The following PPP2R1B variants were observed in gnomAD, a reference collection of about 807,000 sequenced individuals.
The protein encoded by PPP2R1B is protein phosphatase 2 scaffold subunit Abeta.
A neutral mutation model predicts 72.7 loss-of-function variants in PPP2R1B; 58 were observed. The ratio of observed to expected loss-of-function variants is 0.80; its 90% CI spans 0.65 to 0.99. The LOEUF is 0.99. Ranked by LOEUF, PPP2R1B falls within the 50% of genes least tolerant of loss-of-function variation. The pLI, the probability that PPP2R1B is intolerant of heterozygous loss-of-function variation, is 0.00. For missense variants in PPP2R1B, 695 were observed against 733.6 expected, an observed-to-expected ratio of 0.95 and a Z score of 0.61; for synonymous variants, 256 against 264.6, an observed-to-expected ratio of 0.97 and a Z score of 0.32.
At chr11:111,712,543 G>C in the PPP2R1B span, among the ~76,000 whole-genome samples, 1 of 152,194 alleles carries the variant, frequency 6.6e-6, no homozygotes, top group Non-Finnish European at 1.5e-5. Flanking sequence ...CTCAACTCTT[G>C]TCAGTGTTTA....
At chr11:111,763,687 G>C (rs1411267490) in intron 3 of PPP2R1B, among the ~76,000 whole-genome samples, 1 of 152,192 alleles carries the variant, frequency 6.6e-6, no homozygotes, top group East Asian at 1.9e-4. Context: ...GCTTGTGCAA[G>C]TGGGAAGATA....
the PPP2R1B span, chr11:111,701,440 T>A: frequency 1.9e-6 from 3 of 1,610,268 alleles, no homozygotes; most frequent in East Asian, 6.7e-5. This position sits in a 1 kb window ranked among gnomAD's most constrained non-coding sequence, Gnocchi z 4.2. Flanking sequence ...TCTGCATTGT[T>A]TTCTTCCCTA....
At position 111,738,454 on chromosome 11, in the gene PPP2R1B, C is replaced by T. The variant is rs1440507914; in HGVS notation, c.*3142G>A. The T allele has an allele frequency of 1.0e-6, 1 of 985,348 alleles. No homozygotes were observed. Among genetic ancestry groups the T allele is most frequent in the African/African-American group, 1.7e-5 (1 of 57,254 alleles). The allele number at this position is 985,348 out of a possible 1,614,324, so 61.0% of individuals were successfully genotyped here. ...GACAACACAACAGTTAACAAAGGAACAAAAGTGCACCAGGTTAACCGCCGG... is the reference window on the plus strand; with the variant it reads ...GACAACACAACAGTTAACAAAGGAATAAAAGTGCACCAGGTTAACCGCCGG... On this transcript the variant is annotated 3_prime_UTR_variant, in exon 15 of 15. Transcript: ENST00000527614.
the PPP2R1B span, among the ~76,000 whole-genome samples, chr11:111,699,913 G>A: frequency 7.9e-5 from 12 of 152,214 alleles, 1 homozygote; most frequent in Admixed American, 7.9e-4. Context: ...ATCTCTTAAA[G>A]CTCACTGTGC....
At chr11:111,750,386 A>G (rs950372793) in intron 10 of PPP2R1B, among the ~76,000 whole-genome samples, 10 of 152,330 alleles carry the variant, frequency 6.6e-5, no homozygotes, top group African/African-American at 2.4e-4. Context: ...ACAGTGGCTC[A>G]TGCCTATTAT....
downstream of PPP2R1B, chr11:111,722,804 C>A: frequency 1.3e-6 from 2 of 1,526,042 alleles, no homozygotes; most frequent in Non-Finnish European, 1.8e-6. The surrounding 1 kb of genome is among the most constrained non-coding windows in gnomAD (Gnocchi z 4.4). Context: ...TTCTGGAAGC[C>A]TTGAGAACAC....
the PPP2R1B span, chr11:111,703,320 T>C: frequency 4.3e-6 from 7 of 1,614,220 alleles, no homozygotes; most frequent in Non-Finnish European, 5.1e-6. Flanking sequence ...AGACCTGTTC[T>C]CTATCCACAA....
At chr11:111,715,682 A>G in the PPP2R1B span, among the ~76,000 whole-genome samples, 1,128 of 152,192 alleles carry the variant, frequency 7.4e-3, 8 homozygotes, top group Middle Eastern at 0.061. Flanking sequence ...CATGGGGGCC[A>G]TATGGGAGGG....
downstream of PPP2R1B, among the ~76,000 whole-genome samples, chr11:111,736,447 C>T (rs1243159699): frequency 1.3e-5 from 2 of 152,198 alleles, no homozygotes; most frequent in African/African-American, 4.8e-5. Flanking sequence ...CACTCCCACT[C>T]CTTCAGCCAA....
Position 111,738,178 on chromosome 11 carries a change from C to G in PPP2R1B, c.*3418G>C. The G allele has an allele frequency of 1.0e-6, 1 of 985,904 alleles. No individual in the cohort carries two copies. Among genetic ancestry groups the G allele is most frequent in the Non-Finnish European group, 1.2e-6 (1 of 830,240 alleles). 61.1% of individuals were successfully genotyped at this position (985,904 alleles called of 1,614,324 possible). A position where few individuals can be genotyped will look rare whatever the true frequency, so the allele number is the denominator to read the frequency against. ...CAGTTACATCACATCAGACTGCAGT[C>G]ACCTCAGCTGCTAAACCAGGAGAAC... On this transcript the variant is annotated 3_prime_UTR_variant, in exon 15 of 15. Transcript: ENST00000527614.
the PPP2R1B span, among the ~76,000 whole-genome samples, chr11:111,697,753 T>G: frequency 0.96 from 146,826 of 152,204 alleles, 71,055 homozygotes; most frequent in East Asian, 1. Flanking sequence ...GCACTTTGGG[T>G]GCTGAGGCAG....
At position 111,739,566 on chromosome 11, in the gene PPP2R1B, T is replaced by C. The variant is rs1187205474; in HGVS notation, c.*2030A>G. 1.0e-6 allele frequency: 1 copy of C among 985,216 alleles called. No individual in the cohort carries two copies. The highest frequency in any genetic ancestry group is 1.7e-5 in the African/African-American group (1 of 57,222). The allele number at this position is 985,216 out of a possible 1,614,324, so 61.0% of individuals were successfully genotyped here. On this transcript the variant is annotated 3_prime_UTR_variant, in exon 15 of 15. Transcript: ENST00000527614. ...GGCCCACTCTCCCTCTCTCAAACAG[T>C]TTTAGGGTAGAGAAGTCAATGCTTA...
At chr11:111,704,908 CTCTT>C in the PPP2R1B span, 1 of 1,417,810 alleles carries the variant, frequency 7.1e-7, no homozygotes, top group Non-Finnish European at 9.4e-7. Flanking sequence ...AATTTCTTTC[CTCTT>C]TTTTTTTAGG....
At chr11:111,765,028 C>T in intron 2 of PPP2R1B, 123 bp from the exon 3 acceptor site, 1 of 1,446,658 alleles carries the variant, frequency 6.9e-7, no homozygotes, top group Non-Finnish European at 9.2e-7. Context: ...ATCCTAACAG[C>T]ATTTTCTTTC....
intron 9 of PPP2R1B, 57 bp from the exon 10 acceptor site, chr11:111,752,389 A>G: frequency 1.3e-6 from 2 of 1,496,060 alleles, no homozygotes; most frequent in South Asian, 2.7e-5. Context: ...TCTGCCCAAC[A>G]GTCTCCTGTC....
At chr11:111,758,797 T>C (rs1444551361) in intron 5 of PPP2R1B, among the ~76,000 whole-genome samples, 1 of 152,170 alleles carries the variant, frequency 6.6e-6, no homozygotes, top group Non-Finnish European at 1.5e-5. Flanking sequence ...AACAAGTTGG[T>C]ATTACCTTCT....
intron 3 of PPP2R1B, among the ~76,000 whole-genome samples, chr11:111,761,632 A>G (rs1945332327): frequency 6.6e-6 from 1 of 152,228 alleles, no homozygotes; most frequent in Admixed American, 6.5e-5. Flanking sequence ...GCCATAGGGC[A>G]GAAAGGAGTT....
chr11:111,739,375 T>C lies in PPP2R1B; in HGVS notation c.*2221A>G. 1 of 984,526 alleles carries C rather than the reference T, an allele frequency of 1.0e-6. No homozygotes were observed. Among genetic ancestry groups the C allele is most frequent in the Non-Finnish European group, 1.2e-6 (1 of 829,658 alleles). 61.0% of individuals were successfully genotyped at this position (984,526 alleles called of 1,614,324 possible). A position where few individuals can be genotyped will look rare whatever the true frequency, so the allele number is the denominator to read the frequency against. ...AAAAAAAAATAGGAGAACTAATTCA[T>C]GGAGAACATGGCCAAGTTATGAGCC... On this transcript the variant is annotated 3_prime_UTR_variant, in exon 15 of 15. Transcript: ENST00000527614.
Position 111,737,935 on chromosome 11 carries a change from C to T in PPP2R1B, c.*3661G>A, listed in dbSNP as rs118123882. The T allele has an allele frequency of 8.6e-3, 8,973 of 1,043,026 alleles. 47 individuals carry two copies. Among genetic ancestry groups the T allele is most frequent in the Middle Eastern group, 0.026 (55 of 2,146 alleles). 64.6% of individuals were successfully genotyped at this position (1,043,026 alleles called of 1,614,324 possible). ...CTGGAGACAGAAATGGCTTGGCTTT[C>T]CGACGCAATGAGTAATTAAACTCTA... On this transcript the variant is annotated 3_prime_UTR_variant, in exon 15 of 15. Transcript: ENST00000527614.
Sources: allele counts gnomAD v4.1 joint callset (sites outside exome capture counted in the v4.1 genomes callset), GRCh38; gene constraint gnomAD v4.1.1; non-coding constraint Gnocchi (gnomAD v3.1); transcripts MANE v1.5; gene names NCBI Gene and HGNC (gene_info 2026-07-23, HGNC 2026-07-21).